The following EXT2 variants were observed in gnomAD, a reference collection of about 807,000 sequenced individuals.
The protein encoded by EXT2 is exostosin glycosyltransferase 2, also known as exostosin-2.
In EXT2, 53 loss-of-function variants were observed where a neutral mutation model predicts 81.6. The ratio of observed to expected loss-of-function variants is 0.65; its 90% CI spans 0.52 to 0.82. EXT2 has a LOEUF of 0.82. EXT2 is among the 40% of genes least tolerant of loss of function. The probability of loss-of-function intolerance (pLI) is 0.00; values close to 1 mark genes in which losing one functional copy is unlikely to be tolerated. For synonymous variants in EXT2, 320 were observed against 340.0 expected, an observed-to-expected ratio of 0.94 and a Z score of 0.65; for missense variants, 774 against 910.2, an observed-to-expected ratio of 0.85 and a Z score of 1.93.
At chr11:44,102,998 T>C (rs1265014262) in intron 1 of EXT2, among the ~76,000 whole-genome samples, 1 of 152,190 alleles carries the variant, frequency 6.6e-6, no homozygotes, top group Non-Finnish European at 1.5e-5. Flanking sequence ...GCAGCTTGTC[T>C]TTTTACTTCC....
chr11:44,237,174 G>A lies in EXT2; in HGVS notation c.2018+799G>A, dbSNP rs148084595. ...TAAGGATATAGTAGCCTTTTAGAATGAAATATCTAGTTCAGATTTCACAGA... is the reference window on the plus strand; with the variant it reads ...TAAGGATATAGTAGCCTTTTAGAATAAAATATCTAGTTCAGATTTCACAGA... On this transcript the variant is annotated intron_variant, in intron 13 of 13. Coordinates refer to ENST00000533608, the MANE Select transcript of EXT2 (RefSeq NM_207122.2). Among the ~76,000 whole-genome samples, 34 of 152,120 alleles carry A rather than the reference G, an allele frequency of 2.2e-4. No homozygotes were observed. In the East Asian group the frequency reaches 4.7e-3, roughly 21 times the overall value.
At chr11:44,200,453 T>C (rs1955509575) in intron 9 of EXT2, among the ~76,000 whole-genome samples, 1 of 152,218 alleles carries the variant, frequency 6.6e-6, no homozygotes, top group South Asian at 2.1e-4. Context: ...TTTTGAGCTT[T>C]GTCAGAAGAA....
chr11:44,177,393 C>A (rs1198805487), intron 8 of EXT2, among the ~76,000 whole-genome samples: 3 of 152,208 alleles, frequency 2.0e-5, no homozygotes, highest in Non-Finnish European at 4.4e-5. Context: ...TCTGGTCTTG[C>A]CTCTTGGCAG....
intron 10 of EXT2, among the ~76,000 whole-genome samples, chr11:44,214,349 C>T (rs2135222912): frequency 6.6e-6 from 1 of 152,134 alleles, no homozygotes; most frequent in Middle Eastern, 3.4e-3. Context: ...CTCCTGACCT[C>T]GTGATCCGCC....
intron 13 of EXT2, among the ~76,000 whole-genome samples, chr11:44,237,923 A>C (rs915699200): frequency 3.3e-5 from 5 of 150,844 alleles, no homozygotes; most frequent in Admixed American, 2.0e-4. Context: ...AAAAAAAAAA[A>C]AAAAAAACAT....
At position 44,114,246 on chromosome 11, in the gene EXT2, A is replaced by G. The variant is rs1346934156; in HGVS notation, c.688A>G (p.Ile230Val). 6.2e-7 allele frequency: 1 copy of G among 1,614,012 alleles called. No individual in the cohort carries two copies. The highest frequency in any genetic ancestry group is 8.5e-7 in the Non-Finnish European group (1 of 1,180,002). ...WTYRQGYDVSIPVYSPLSAEV... is the reference protein window; with the variant it reads ...WTYRQGYDVSVPVYSPLSAEV... The stretch of plus-strand genomic sequence containing the variant: ...TTACCGGCAAGGCTACGATGTCAGC[A>G]TTCCTGTCTATAGTCCACTGTCAGC... The change falls in exon 4 of 14, where the codon ATT becomes GTT. Residue 230 changes from isoleucine (I) to valine (V), a missense_variant. This residue lies in a region of EXT2 where 626 missense variants were observed against 670.5 expected (regional missense o/e 0.93). Coordinates refer to ENST00000533608, the MANE Select transcript of EXT2 (RefSeq NM_207122.2).
intron 6 of EXT2, among the ~76,000 whole-genome samples, chr11:44,129,545 T>G (rs1182335707): frequency 6.6e-6 from 1 of 152,274 alleles, no homozygotes; most frequent in Non-Finnish European, 1.5e-5. Context: ...CTGCTTACTC[T>G]CTTGCCTTCC....
chr11:44,243,990 G>A (rs1301460820), intron 13 of EXT2, among the ~76,000 whole-genome samples, 159 bp from the exon 14 acceptor site: 1 of 152,140 alleles, frequency 6.6e-6, no homozygotes, highest in East Asian at 1.9e-4. Context: ...AAGAACCTGG[G>A]AGCAGACTGT....
At chr11:44,187,865 GT>G in intron 8 of EXT2, among the ~76,000 whole-genome samples, 1 of 152,256 alleles carries the variant, frequency 6.6e-6, no homozygotes, top group Middle Eastern at 3.4e-3. Context: ...GTCCAAAAAA[GT>G]ATGTTGATTC....
At chr11:44,177,722 G>GTT (rs5791611) in intron 8 of EXT2, among the ~76,000 whole-genome samples, 2 of 151,688 alleles carry the variant, frequency 1.3e-5, no homozygotes, top group African/African-American at 2.4e-5. Flanking sequence ...TTGATAGATG[G>GTT]TTTTTTTTCC....
Position 44,206,875 on chromosome 11 carries a change from T to C in EXT2, c.1578T>C (p.Tyr526=), listed in dbSNP as rs775336862. 1.2e-6 allele frequency: 2 copies of C among 1,614,172 alleles called. No homozygotes were observed. Among genetic ancestry groups the C allele is most frequent in the African/African-American group, 2.7e-5 (2 of 75,060 alleles). The stretch of plus-strand genomic sequence containing the variant: ...AGTTAAGTAACCGTTTCTTCCCTTA[T>C]GATGAAATCGAGACAGAAGCTGTTC... ...ENKLSNRFFP[Y]DEIETEAVLA... is the part of the protein sequence containing the mutation. The change falls in exon 10 of 14, where the codon TAT becomes TAC. Residue 526 remains tyrosine (Y), a synonymous_variant. Transcript: ENST00000533608.
intron 9 of EXT2, among the ~76,000 whole-genome samples, chr11:44,204,787 G>T (rs912358310): frequency 3.9e-5 from 6 of 151,934 alleles, no homozygotes; most frequent in Non-Finnish European, 8.8e-5. Context: ...AACCATCCCC[G>T]CCCCTCCTTC....
intron 7 of EXT2, among the ~76,000 whole-genome samples, chr11:44,155,643 C>G (rs1029712448): frequency 6.6e-6 from 1 of 152,086 alleles, no homozygotes; most frequent in Non-Finnish European, 1.5e-5. Context: ...CAACTTCACT[C>G]CTCCCTACCT....
In EXT2 at chr11:44,095,709, G is replaced by C. The variant is rs1487913867; in HGVS notation, c.-174G>C. 6.5e-6 allele frequency: 1 copy of C among 152,922 alleles called. No homozygotes were observed. Among genetic ancestry groups the C allele is most frequent in the African/African-American group, 2.4e-5 (1 of 41,472 alleles). The allele number at this position is 152,922 out of a possible 1,614,324, so 9.5% of individuals were successfully genotyped here. A position where few individuals can be genotyped will look rare whatever the true frequency, so the allele number is the denominator to read the frequency against. On this transcript the variant is annotated 5_prime_UTR_variant, in exon 1 of 14. Transcript: ENST00000533608. ...CCCGGATCCCGGTTACCGGCCCCTC[G>C]CTCGCTGCTCGCCAGCCCAGACTCG...
At position 44,184,915 on chromosome 11, in the gene EXT2, A is replaced by G. The variant is rs553379816; in HGVS notation, c.1306-12914A>G. 1.1e-4 allele frequency among the ~76,000 whole-genome samples: 16 copies of G among 152,360 alleles called. 1 individual carries two copies. The South Asian group carries it at 3.3e-3, about 32-fold the overall frequency. On this transcript the variant is annotated intron_variant, in intron 8 of 13. Transcript: ENST00000533608. ...ACAGTTGTCTTAAGATGAATGGCTC[A>G]TATTTTGGTACAGTGCTTGATGTTC...
intron 13 of EXT2, among the ~76,000 whole-genome samples, chr11:44,239,856 C>T (rs1282571138): frequency 6.6e-6 from 1 of 151,902 alleles, no homozygotes; most frequent in Non-Finnish European, 1.5e-5. Context: ...CCTCGGTATC[C>T]ACAGGGGATT....
chr11:44,127,545 G>A (rs746544528), intron 6 of EXT2, among the ~76,000 whole-genome samples: 23 of 152,158 alleles, frequency 1.5e-4, no homozygotes, highest in Non-Finnish European at 2.6e-4. Flanking sequence ...ATCCCCAAAC[G>A]ATTCCCTGCC....
At chr11:44,212,181 A>C (rs1367429444) in intron 10 of EXT2, among the ~76,000 whole-genome samples, 1 of 151,992 alleles carries the variant, frequency 6.6e-6, no homozygotes, top group East Asian at 1.9e-4. Flanking sequence ...GCTACTCAGG[A>C]GGCTGAGGCA....
intron 8 of EXT2, among the ~76,000 whole-genome samples, chr11:44,176,161 C>T (rs1401874846): frequency 2.0e-5 from 3 of 151,970 alleles, no homozygotes; most frequent in Non-Finnish European, 4.4e-5. Flanking sequence ...CTGGTGCAGG[C>T]GAATTCATAA....
Sources: allele counts gnomAD v4.1 joint callset (sites outside exome capture counted in the v4.1 genomes callset), GRCh38; gene constraint gnomAD v4.1.1; regional missense constraint gnomAD v4.1.1; transcripts MANE v1.5; gene names NCBI Gene and HGNC (gene_info 2026-07-23, HGNC 2026-07-21).